The following NOS1AP variants were observed in gnomAD, a reference collection of about 807,000 sequenced individuals.
The protein encoded by NOS1AP is nitric oxide synthase 1 adaptor protein.
Under a neutral mutation model 56.2 loss-of-function variants are expected in NOS1AP, and 21 were observed. The observed-to-expected ratio is 0.37, with a 90% CI of 0.26 to 0.54. The LOEUF (loss-of-function observed/expected upper bound fraction) is 0.54, where lower values mean the gene tolerates loss of function less well. Among genes scored for constraint, NOS1AP ranks in the 20% least tolerant of loss-of-function variants. The probability of loss-of-function intolerance (pLI) is 0.84; values close to 1 mark genes in which losing one functional copy is unlikely to be tolerated. For missense variants in NOS1AP, 522 were observed against 657.8 expected (o/e 0.79, Z 2.26); for synonymous variants, 270 against 274.6 (o/e 0.98, Z 0.17).
chr1:162,312,781 C>T (rs1297779816), intron 4 of NOS1AP, among the ~76,000 whole-genome samples: 1 of 152,018 alleles, frequency 6.6e-6, no homozygotes, highest in Non-Finnish European at 1.5e-5. Flanking sequence ...GCTTATCCAC[C>T]ATGATCAAGT....
intron 1 of NOS1AP, among the ~76,000 whole-genome samples, chr1:162,099,960 A>G (rs1488654750): frequency 4.0e-5 from 6 of 151,326 alleles, no homozygotes; most frequent in Non-Finnish European, 8.9e-5. Flanking sequence ...AAGGACATGA[A>G]CTCATCATTT....
intron 2 of NOS1AP, among the ~76,000 whole-genome samples, chr1:162,196,199 G>T (rs1461208522): frequency 6.6e-6 from 1 of 152,144 alleles, no homozygotes; most frequent in Non-Finnish European, 1.5e-5. Flanking sequence ...GGAAAATGTG[G>T]TAAAATGGAA....
intron 1 of NOS1AP, among the ~76,000 whole-genome samples, chr1:162,073,610 G>A (rs781454311): frequency 9.2e-5 from 14 of 152,256 alleles, no homozygotes; most frequent in East Asian, 1.9e-4. Flanking sequence ...ACAGGCATGC[G>A]CCACCATGCC....
chr1:162,298,362 A>G (rs183795908), intron 3 of NOS1AP, among the ~76,000 whole-genome samples: 2 of 152,322 alleles, frequency 1.3e-5, no homozygotes, highest in African/African-American at 4.8e-5. Flanking sequence ...GCCACTGACT[A>G]TGCATGTTGT....
At chr1:162,140,010 G>A (rs12091634) in intron 1 of NOS1AP, among the ~76,000 whole-genome samples, 7,231 of 152,118 alleles carry the variant, frequency 0.048, 593 homozygotes, top group African/African-American at 0.16. Flanking sequence ...TGTATTTTCA[G>A]TAGAGACAAG....
chr1:162,352,063 CTT>C (rs35244913), intron 6 of NOS1AP, among the ~76,000 whole-genome samples: 11 of 149,864 alleles, frequency 7.3e-5, no homozygotes, highest in Admixed American at 5.3e-4. Flanking sequence ...TCTTCGTCCT[CTT>C]TTTTTTTTTC....
chr1:162,234,494 G>A (rs568246229), intron 2 of NOS1AP, among the ~76,000 whole-genome samples: 1 of 152,160 alleles, frequency 6.6e-6, no homozygotes, highest in South Asian at 2.1e-4. Flanking sequence ...TGTGAAGTTG[G>A]CAAGATCATT....
Position 162,177,846 on chromosome 1 carries a change from C to T in NOS1AP, c.177+23370C>T, listed in dbSNP as rs552353467. 2.0e-5 allele frequency among the ~76,000 whole-genome samples: 3 copies of T among 152,262 alleles called. No homozygotes were observed. The East Asian group carries it at 5.8e-4, about 29-fold the overall frequency. ...AACTGATGAACCTACATTGACACAT[C>T]ATTATCACTCAGAGTTCATAATTGA... On this transcript the variant is annotated intron_variant, in intron 2 of 9. Transcript: ENST00000361897.
intron 6 of NOS1AP, among the ~76,000 whole-genome samples, chr1:162,353,839 G>C (rs911961366): frequency 3.9e-5 from 6 of 152,194 alleles, no homozygotes; most frequent in African/African-American, 1.4e-4. Context: ...CAGCCATCAA[G>C]ACGGTCACTT....
intron 9 of NOS1AP, among the ~76,000 whole-genome samples, chr1:162,366,666 T>C (rs1474021197): frequency 1.3e-5 from 2 of 152,212 alleles, no homozygotes; most frequent in African/African-American, 2.4e-5. Context: ...AGATTGTTCA[T>C]TGAAACTCTG....
At chr1:162,287,500 C>T in intron 3 of NOS1AP, 64 bp downstream of exon 3, 1 of 1,055,114 alleles carries the variant, frequency 9.5e-7, no homozygotes, top group Non-Finnish European at 1.5e-6. Context: ...CATGGGGTAC[C>T]TTCTTCTTCT....
chr1:162,248,078 T>C (rs1242416289), intron 2 of NOS1AP, among the ~76,000 whole-genome samples: 1 of 152,084 alleles, frequency 6.6e-6, no homozygotes, highest in Non-Finnish European at 1.5e-5. Flanking sequence ...AGGCCGGATG[T>C]TCAAAACCAG....
At chr1:162,315,875 C>G (rs1157081827) in intron 4 of NOS1AP, among the ~76,000 whole-genome samples, 1 of 152,194 alleles carries the variant, frequency 6.6e-6, no homozygotes, top group Non-Finnish European at 1.5e-5. Flanking sequence ...CCTTTGGACC[C>G]TAAGGTGCTA....
intron 2 of NOS1AP, among the ~76,000 whole-genome samples, chr1:162,171,555 C>G (rs1650781535): frequency 1.3e-5 from 2 of 152,154 alleles, no homozygotes; most frequent in African/African-American, 4.8e-5. Flanking sequence ...CTGTACTGGT[C>G]TTCACTCCTG....
chr1:162,278,691 G>A (rs868224860), intron 2 of NOS1AP, among the ~76,000 whole-genome samples: 7 of 151,748 alleles, frequency 4.6e-5, no homozygotes, highest in African/African-American at 7.3e-5. Flanking sequence ...GTGTGTGTGT[G>A]TGTGTGTGTG....
intron 2 of NOS1AP, among the ~76,000 whole-genome samples, chr1:162,272,264 T>C (rs1396302363): frequency 6.6e-6 from 1 of 152,182 alleles, no homozygotes; most frequent in Admixed American, 6.5e-5. Context: ...GACATCAACA[T>C]GAATTCTAGA....
chr1:162,262,715 A>T (rs1333694574), intron 2 of NOS1AP, among the ~76,000 whole-genome samples: 1 of 152,190 alleles, frequency 6.6e-6, no homozygotes, highest in Non-Finnish European at 1.5e-5. Context: ...ATCACATCTA[A>T]AATATTTAGT....
chr1:162,069,951 C>T lies in NOS1AP; in HGVS notation c.-227C>T. ...CCGCCCTCCTAGCCGGCAGGAATTG[C>T]GCGACCACAGCGCCGCTCGCGTCGC... On this transcript the variant is annotated 5_prime_UTR_variant, in exon 1 of 10. Coordinates refer to ENST00000361897, the MANE Select transcript of NOS1AP (RefSeq NM_014697.3). The T allele has an allele frequency of 4.1e-6, 1 of 242,534 alleles. No homozygotes were observed. The highest frequency in any genetic ancestry group is 7.9e-6 in the Non-Finnish European group (1 of 126,916). 15.0% of individuals were successfully genotyped at this position (242,534 alleles called of 1,614,324 possible). A position where few individuals can be genotyped will look rare whatever the true frequency, so the allele number is the denominator to read the frequency against.
chr1:162,161,657 A>C (rs1013654310), intron 2 of NOS1AP, among the ~76,000 whole-genome samples: 3 of 151,706 alleles, frequency 2.0e-5, no homozygotes, highest in Admixed American at 2.0e-4. Flanking sequence ...TGGCGGCATG[A>C]TCATGGATCA....
Sources: gnomAD v4.1 joint callset for allele counts (sites outside exome capture counted in the v4.1 genomes callset) on GRCh38, gnomAD v4.1.1 for gene constraint, MANE v1.5 for transcripts, NCBI Gene and HGNC (gene_info 2026-07-23, HGNC 2026-07-21) for gene names.